TMEM163: variants seen among roughly 807,000 people sequenced by gnomAD.
The protein encoded by TMEM163 is transmembrane protein 163.
Under a neutral mutation model 29.3 loss-of-function variants are expected in TMEM163, and 17 were observed. That is an observed-to-expected ratio of 0.58 (90% confidence interval 0.40 to 0.87). TMEM163 has a LOEUF of 0.87. Ranked by LOEUF, TMEM163 falls within the 40% of genes least tolerant of loss-of-function variation. The probability of loss-of-function intolerance (pLI) is 0.00; values close to 1 mark genes in which losing one functional copy is unlikely to be tolerated. For synonymous variants in TMEM163, 157 were observed against 160.6 expected (o/e 0.98, Z 0.17); for missense variants, 303 against 381.5 (o/e 0.79, Z 1.71).
intron 2 of TMEM163, among the ~76,000 whole-genome samples, chr2:134,577,297 T>C (rs1681577382): frequency 6.6e-6 from 1 of 152,200 alleles, no homozygotes; most frequent in Non-Finnish European, 1.5e-5. Context: ...TGGCTCTTCA[T>C]ATGGTCTTGT....
chr2:134,507,299 A>G (rs1203493466), intron 4 of TMEM163, among the ~76,000 whole-genome samples: 1 of 151,898 alleles, frequency 6.6e-6, no homozygotes, highest in Non-Finnish European at 1.5e-5. Context: ...TCACACCACT[A>G]CACTCCAGCC....
At position 134,685,736 on chromosome 2, in the gene TMEM163, T is replaced by C. The variant is rs1019165931; in HGVS notation, c.322+27464A>G. ...CACCACCAAAACTAAGAATTCTCTG[T>C]CCAAAAATAAAACATACAATCATCA... On this transcript the variant is annotated intron_variant, in intron 2 of 7. Transcript: ENST00000281924. 2.0e-5 allele frequency among the ~76,000 whole-genome samples: 3 copies of C among 152,048 alleles called. No homozygotes were observed. The South Asian group carries it at 6.2e-4, about 32-fold the overall frequency.
At chr2:134,531,925 C>T (rs1680424635) in intron 4 of TMEM163, among the ~76,000 whole-genome samples, 1 of 152,194 alleles carries the variant, frequency 6.6e-6, no homozygotes, top group South Asian at 2.1e-4. Context: ...AGGTGACCAA[C>T]CCCATCCTGA....
At chr2:134,590,974 C>A (rs981060198) in intron 2 of TMEM163, among the ~76,000 whole-genome samples, 3 of 152,160 alleles carry the variant, frequency 2.0e-5, no homozygotes, top group African/African-American at 7.2e-5. Context: ...CCCAGACATG[C>A]CTGCAATGGA....
chr2:134,581,153 G>T (rs541289979), intron 2 of TMEM163, among the ~76,000 whole-genome samples: 1 of 152,266 alleles, frequency 6.6e-6, no homozygotes, highest in East Asian at 1.9e-4. Flanking sequence ...GACGGAAAAG[G>T]ATTTGTAGTC....
At chr2:134,697,142 T>G (rs1403790962) in intron 2 of TMEM163, among the ~76,000 whole-genome samples, 1 of 152,194 alleles carries the variant, frequency 6.6e-6, no homozygotes, top group Non-Finnish European at 1.5e-5. Flanking sequence ...TAAAGCTCTA[T>G]GTAAACTATA....
intron 6 of TMEM163, among the ~76,000 whole-genome samples, chr2:134,463,463 A>G (rs512499): frequency 0.61 from 93,427 of 152,150 alleles, 30,801 homozygotes; most frequent in East Asian, 0.82. Context: ...GCCCCAGACA[A>G]GGAAGGCCAT....
intron 2 of TMEM163, among the ~76,000 whole-genome samples, chr2:134,667,066 A>C (rs1298188988): frequency 6.6e-6 from 1 of 152,188 alleles, no homozygotes; most frequent in Admixed American, 6.5e-5. Context: ...TCCCAGCATG[A>C]GTGTGACCTA....
rs534311813 is a variant in TMEM163 at position 134,562,045 on chromosome 2, G to A, written c.323-9954C>T. ...ATAAAATTTATAGAACAGAACTTTC[G>A]CATTTTATCTTCTCTTGTCTTCTAT... On this transcript the variant is annotated intron_variant, in intron 2 of 7. Transcript: ENST00000281924. Among the ~76,000 whole-genome samples, 18 of 152,252 alleles carry A rather than the reference G, an allele frequency of 1.2e-4. No individual in the cohort carries two copies. The East Asian group carries it at 2.3e-3, about 20-fold the overall frequency.
intron 2 of TMEM163, among the ~76,000 whole-genome samples, chr2:134,609,263 G>A (rs1310689350): frequency 2.4e-4 from 6 of 24,492 alleles, no homozygotes; most frequent in African/African-American, 1.1e-3. Context: ...GACAGACCCC[G>A]AGAACTGTGC....
intron 2 of TMEM163, among the ~76,000 whole-genome samples, chr2:134,705,146 G>C (rs953533485): frequency 6.6e-6 from 1 of 151,540 alleles, no homozygotes; most frequent in East Asian, 1.9e-4. Flanking sequence ...GGAGATGGAG[G>C]TTACAGTGAG....
At chr2:134,660,350 A>G (rs1246151392) in intron 2 of TMEM163, among the ~76,000 whole-genome samples, 2 of 152,216 alleles carry the variant, frequency 1.3e-5, no homozygotes, top group African/African-American at 4.8e-5. Flanking sequence ...CTCTGCAATC[A>G]GGAAGGCAAG....
At chr2:134,624,808 C>T (rs1406660366) in intron 2 of TMEM163, among the ~76,000 whole-genome samples, 4 of 152,054 alleles carry the variant, frequency 2.6e-5, no homozygotes, top group Non-Finnish European at 5.9e-5. Context: ...ACTCAGGAGG[C>T]TGAGGCAGGA....
intron 2 of TMEM163, among the ~76,000 whole-genome samples, chr2:134,661,435 C>T (rs1260588686): frequency 6.6e-6 from 1 of 152,190 alleles, no homozygotes; most frequent in Admixed American, 6.5e-5. Context: ...TATCGATGGG[C>T]AAATGAAAGG....
intron 5 of TMEM163, among the ~76,000 whole-genome samples, chr2:134,485,909 A>C (rs1679295700): frequency 6.6e-6 from 1 of 152,112 alleles, no homozygotes; most frequent in East Asian, 1.9e-4. Flanking sequence ...GGAGTGAATA[A>C]CCAGGGATAC....
intron 2 of TMEM163, among the ~76,000 whole-genome samples, chr2:134,638,579 G>A (rs760348135): frequency 2.5e-4 from 38 of 152,320 alleles, no homozygotes; most frequent in Middle Eastern, 3.4e-3. Context: ...GAACCTGAAT[G>A]AAGGCAGGGG....
At chr2:134,540,373 C>T (rs573907216) in intron 4 of TMEM163, among the ~76,000 whole-genome samples, 1 of 152,354 alleles carries the variant, frequency 6.6e-6, no homozygotes, top group Non-Finnish European at 1.5e-5. Context: ...TGTGTCTGGC[C>T]AACAGCCAGC....
intron 2 of TMEM163, among the ~76,000 whole-genome samples, chr2:134,669,520 G>A (rs138475369): frequency 9.2e-5 from 14 of 152,306 alleles, no homozygotes; most frequent in South Asian, 4.1e-4. Context: ...ATCCTGGGGC[G>A]CAGCAGATTG....
rs908998109 is a variant in TMEM163 at position 134,628,403 on chromosome 2, A to G, written c.323-76312T>C. Among the ~76,000 whole-genome samples the G allele has an allele frequency of 7.2e-5, 11 of 152,332 alleles. No homozygotes were observed. The East Asian group carries it at 2.1e-3, about 29-fold the overall frequency. On this transcript the variant is annotated intron_variant, in intron 2 of 7. Transcript: ENST00000281924. ...AGGATATGAACTCTGAGCCTTTGCA[A>G]TAGTCTCTCTGGTAAGAGCACTTTC...
Sources: gnomAD v4.1 joint callset for allele counts (sites outside exome capture counted in the v4.1 genomes callset) on GRCh38, gnomAD v4.1.1 for gene constraint, MANE v1.5 for transcripts, NCBI Gene and HGNC (gene_info 2026-07-23, HGNC 2026-07-21) for gene names.